FSHR: variants seen among roughly 807,000 people sequenced by gnomAD.
FSHR encodes follicle stimulating hormone receptor.
In FSHR, 46 loss-of-function variants were observed where a neutral mutation model predicts 52.1. The ratio of observed to expected loss-of-function variants is 0.88; its 90% CI spans 0.70 to 1.13. The LOEUF is 1.13. Among genes scored for constraint, FSHR ranks in the 50% most tolerant of loss-of-function variants. The pLI is 0.00. For synonymous variants in FSHR, 399 were observed against 309.6 expected (o/e 1.29, Z -3.03); for missense variants, 964 against 834.6 (o/e 1.16, Z -1.91).
intron 1 of FSHR, among the ~76,000 whole-genome samples, chr2:49,119,334 A>G (rs753519427): frequency 5.9e-5 from 9 of 151,792 alleles, no homozygotes; most frequent in Non-Finnish European, 1.2e-4. Context: ...CGATAGGCAA[A>G]CAATACATAC....
chr2:48,985,425 A>AC (rs5831017), intron 6 of FSHR, among the ~76,000 whole-genome samples: 139,286 of 152,136 alleles, frequency 0.92, 63,939 homozygotes, highest in African/African-American at 0.97. Context: ...AACGCATATC[A>AC]CTCATTTTAT....
intron 1 of FSHR, among the ~76,000 whole-genome samples, chr2:49,136,483 AAAAAG>A (rs1672493650): frequency 6.6e-6 from 1 of 152,144 alleles, no homozygotes; most frequent in African/African-American, 2.4e-5. Context: ...TCCCAAAAGT[AAAAAG>A]AAAATACTTT....
chr2:49,018,860 T>C (rs1221846139), intron 3 of FSHR, among the ~76,000 whole-genome samples: 1 of 151,820 alleles, frequency 6.6e-6, no homozygotes, highest in Non-Finnish European at 1.5e-5. Flanking sequence ...TGTGTGTCTA[T>C]TTGTGTGTGT....
At chr2:49,055,005 G>A (rs1454747294) in intron 2 of FSHR, among the ~76,000 whole-genome samples, 1 of 151,892 alleles carries the variant, frequency 6.6e-6, no homozygotes, top group Non-Finnish European at 1.5e-5. Flanking sequence ...CACCTTAAAG[G>A]AACACAGTGA....
chr2:49,092,371 C>G (rs1249858786), intron 1 of FSHR, among the ~76,000 whole-genome samples: 1 of 152,008 alleles, frequency 6.6e-6, no homozygotes, highest in African/African-American at 2.4e-5. Flanking sequence ...ATTTTTCTTT[C>G]TTGCCTTATT....
chr2:49,078,420 C>A (rs1026210037), intron 1 of FSHR, among the ~76,000 whole-genome samples: 2 of 152,154 alleles, frequency 1.3e-5, no homozygotes, highest in Non-Finnish European at 2.9e-5. Context: ...AGAAGTAATG[C>A]TCTCCAACCC....
At chr2:49,141,718 A>G (rs1198615969) in intron 1 of FSHR, among the ~76,000 whole-genome samples, 6 of 152,168 alleles carry the variant, frequency 3.9e-5, no homozygotes, top group Admixed American at 3.9e-4. Context: ...AAAATAATAC[A>G]TAAGTTCTGT....
chr2:48,963,234 C>T lies in FSHR; in HGVS notation c.1587G>A (p.Leu529=). Reference sequence around the variant, plus strand: ...TGAGCACAAGGAGGGACATGACATACAGCTGTGACAAAGGGCTGTCAATAT... The same window carrying T: ...TGAGCACAAGGAGGGACATGACATATAGCTGTGACAAAGGGCTGTCAATAT... ...PMDIDSPLSQ[L]YVMSLLVLNV... Residue 529 remains leucine (L), a synonymous_variant, in exon 10 of 10, where the codon CTG becomes CTA. Coordinates refer to ENST00000406846, the MANE Select transcript of FSHR (RefSeq NM_000145.4). 1.2e-6 allele frequency: 2 copies of T among 1,614,142 alleles called. No homozygotes were observed. Among genetic ancestry groups the T allele is most frequent in the South Asian group, 2.2e-5 (2 of 91,078 alleles).
chr2:48,971,492 A>G lies in FSHR; in HGVS notation c.669-2609T>C, dbSNP rs578089994. Among the ~76,000 whole-genome samples, 6 of 152,242 alleles carry G rather than the reference A, an allele frequency of 3.9e-5. No individual in the cohort carries two copies. In the South Asian group the frequency reaches 8.3e-4, roughly 21 times the overall value. ...GGGTTAGTAGTGGTTACTATTGCCA[A>G]TCTCTGGACTACTGATCCCCTGTTT... On this transcript the variant is annotated intron_variant, in intron 8 of 9. Transcript: ENST00000406846.
intron 6 of FSHR, among the ~76,000 whole-genome samples, chr2:48,985,935 G>T (rs1372034821): frequency 6.6e-6 from 1 of 151,496 alleles, no homozygotes; most frequent in African/African-American, 2.4e-5. Context: ...GGATGGTCTC[G>T]ATTTCCTGAC....
chr2:48,972,155 G>A (rs144479263), intron 8 of FSHR, among the ~76,000 whole-genome samples: 1 of 152,136 alleles, frequency 6.6e-6, no homozygotes, highest in Non-Finnish European at 1.5e-5. Flanking sequence ...CTGAAAATCT[G>A]TTCCACCTTT....
At chr2:49,127,830 C>CT (rs1558456676) in intron 1 of FSHR, among the ~76,000 whole-genome samples, 69 of 21,008 alleles carry the variant, frequency 3.3e-3, no homozygotes, top group Middle Eastern at 0.022. Flanking sequence ...CTTCTTCTTC[C>CT]TCTTCTTCTT....
intron 1 of FSHR, among the ~76,000 whole-genome samples, chr2:49,081,879 A>G (rs1670182372): frequency 6.6e-6 from 1 of 152,230 alleles, no homozygotes; most frequent in African/African-American, 2.4e-5. Context: ...AAAAGATTCC[A>G]TAGAAAGCTT....
chr2:49,088,654 T>C (rs891646761), intron 1 of FSHR, among the ~76,000 whole-genome samples: 1 of 152,194 alleles, frequency 6.6e-6, no homozygotes, highest in Non-Finnish European at 1.5e-5. Context: ...GTGAATTTTA[T>C]TGACAATATT....
chr2:49,038,271 A>T lies in FSHR; in HGVS notation c.225-18111T>A, dbSNP rs1028206848. Among the ~76,000 whole-genome samples, 4 of 152,218 alleles carry T rather than the reference A, an allele frequency of 2.6e-5. 1 individual carries two copies. Among genetic ancestry groups the T allele is most frequent in the Admixed American group, 2.0e-4 (3 of 15,284 alleles). On this transcript the variant is annotated intron_variant, in intron 2 of 9. Coordinates refer to ENST00000406846, the MANE Select transcript of FSHR (RefSeq NM_000145.4). Reference sequence around the variant, plus strand: ...ACCCAGAAGAAACAAATAGAGTTTAAGAAGTGAAGTCTCTGGCAAGTAATA... The same window carrying T: ...ACCCAGAAGAAACAAATAGAGTTTATGAAGTGAAGTCTCTGGCAAGTAATA...
intron 1 of FSHR, among the ~76,000 whole-genome samples, chr2:49,128,327 C>A (rs1334063631): frequency 6.6e-6 from 1 of 152,000 alleles, no homozygotes; most frequent in Non-Finnish European, 1.5e-5. Context: ...AAATTATAAG[C>A]ATTTATAACT....
At chr2:49,071,306 T>G (rs1669717385) in intron 1 of FSHR, among the ~76,000 whole-genome samples, 1 of 152,096 alleles carries the variant, frequency 6.6e-6, no homozygotes, top group Admixed American at 6.6e-5. Flanking sequence ...GAAGATATTT[T>G]AAATGCAAGT....
chr2:49,074,316 A>G (rs1021495130), intron 1 of FSHR, among the ~76,000 whole-genome samples: 1 of 152,098 alleles, frequency 6.6e-6, no homozygotes, highest in Admixed American at 6.6e-5. Context: ...AAACATCTCA[A>G]CAGCAAAAAA....
At chr2:49,068,030 G>T (rs1669572264) in intron 2 of FSHR, among the ~76,000 whole-genome samples, 189 bp downstream of exon 2, 4 of 150,846 alleles carry the variant, frequency 2.7e-5, no homozygotes, top group Admixed American at 1.3e-4. Flanking sequence ...CATTTCAATG[G>T]CCTCAGTGAA....
Sources: allele counts gnomAD v4.1 joint callset (sites outside exome capture counted in the v4.1 genomes callset), GRCh38; gene constraint gnomAD v4.1.1; transcripts MANE v1.5; gene names NCBI Gene and HGNC (gene_info 2026-07-23, HGNC 2026-07-21).